MYO10: variants seen among roughly 807,000 people sequenced by gnomAD.
MYO10 encodes the protein unconventional myosin-X.
Under a neutral mutation model 257.3 loss-of-function variants are expected in MYO10, and 133 were observed. The ratio of observed to expected loss-of-function variants is 0.52; its 90% CI spans 0.45 to 0.60. The LOEUF (loss-of-function observed/expected upper bound fraction) is 0.60. Ranked by LOEUF, MYO10 falls within the 20% of genes least tolerant of loss-of-function variation. The pLI is 0.00. For synonymous variants in MYO10, 1,104 were observed against 1,028.6 expected, an observed-to-expected ratio of 1.07 and a Z score of -1.40; for missense variants, 2,399 against 2,635.7, an observed-to-expected ratio of 0.91 and a Z score of 1.97.
intron 2 of MYO10, among the ~76,000 whole-genome samples, chr5:16,852,672 C>T (rs913399531): frequency 1.4e-4 from 21 of 151,832 alleles, no homozygotes; most frequent in African/African-American, 5.1e-4. Context: ...CTGATCCATA[C>T]ATGAGAAGCC....
intron 1 of MYO10, among the ~76,000 whole-genome samples, chr5:16,929,241 C>T (rs1276272152): frequency 1.3e-5 from 2 of 152,188 alleles, no homozygotes; most frequent in African/African-American, 4.8e-5. Context: ...GCATGAGCCA[C>T]TGCACCCGGC....
At chr5:16,753,646 T>C (rs1740447518) in intron 19 of MYO10, among the ~76,000 whole-genome samples, 1 of 151,496 alleles carries the variant, frequency 6.6e-6, no homozygotes, top group South Asian at 2.1e-4. Flanking sequence ...AATTTCTGTA[T>C]TTTTAGTAGA....
rs912114189 is a variant in MYO10 at position 16,781,901 on chromosome 5, A to T, written c.603-72T>A. ...TGAAGACAGCAATAGCACTTCTCAC[A>T]AATGTCAAAATATACAACTGCAAGA... On this transcript the variant is annotated intron_variant, in intron 5 of 40. Coordinates refer to ENST00000513610, the MANE Select transcript of MYO10 (RefSeq NM_012334.3). 2.0e-6 allele frequency: 3 copies of T among 1,524,688 alleles called. No individual in the cohort carries two copies. In the African/African-American group the frequency reaches 4.2e-5, roughly 21 times the overall value. The allele number at this position is 1,524,688 out of a possible 1,614,324, so 94.4% of individuals were successfully genotyped here. A position where few individuals can be genotyped will look rare whatever the true frequency, so the allele number is the denominator to read the frequency against.
intron 1 of MYO10, among the ~76,000 whole-genome samples, chr5:16,913,552 A>T (rs1309332278): frequency 6.6e-6 from 1 of 152,174 alleles, no homozygotes; most frequent in Admixed American, 6.6e-5. Context: ...GCCACTGTGG[A>T]GGTGGCCAGT....
intron 3 of MYO10, chr5:16,815,595 C>A: frequency 1.6e-6 from 1 of 619,178 alleles, no homozygotes; most frequent in Non-Finnish European, 2.9e-6. Context: ...CTGGCAGTGT[C>A]CTTGGTTCCA....
At chr5:16,768,366 C>T (rs1241949496) in intron 10 of MYO10, among the ~76,000 whole-genome samples, 1 of 152,060 alleles carries the variant, frequency 6.6e-6, no homozygotes, top group Non-Finnish European at 1.5e-5. Flanking sequence ...CAGGGGAGGG[C>T]TATGAAGCCA....
Position 16,676,066 on chromosome 5 carries a change from A to G in MYO10, c.4631T>C (p.Leu1544Pro). The change falls in exon 34 of 41, where the codon CTC becomes CCC. Residue 1544 changes from leucine (L) to proline (P), a missense_variant. Around this residue, in one of 3 missense-constraint regions of MYO10, gnomAD observed 1,820 missense variants for 1,939.4 expected, o/e 0.94. Coordinates refer to ENST00000513610, the MANE Select transcript of MYO10 (RefSeq NM_012334.3). The part of the protein sequence containing the change: ...RYTHHPLHSP[L>P]LPLPYGDINL... ...TATGTCCCCATACGGAAGGGGCAGG[A>G]GCGGGGAGTGCAAGGGGTGATGGGT... 1 of 1,613,262 alleles carries G rather than the reference A, an allele frequency of 6.2e-7. No individual in the cohort carries two copies. The highest frequency in any genetic ancestry group is 8.5e-7 in the Non-Finnish European group (1 of 1,179,628).
At chr5:16,903,287 C>T (rs141903271) in intron 1 of MYO10, among the ~76,000 whole-genome samples, 4,093 of 152,300 alleles carry the variant, frequency 0.027, 86 homozygotes, top group South Asian at 0.045. Flanking sequence ...TGCCTGTAAT[C>T]CTAGCAACTC....
intron 5 of MYO10, among the ~76,000 whole-genome samples, chr5:16,782,814 C>A (rs1466038615): frequency 2.0e-5 from 3 of 152,118 alleles, no homozygotes. Flanking sequence ...TTTTGAGGCT[C>A]CCTGTTATAT....
Position 16,758,222 on chromosome 5 carries a change from C to A in MYO10, c.1744G>T (p.Asp582Tyr), listed in dbSNP as rs1195605040. 16 of 1,604,354 alleles carry A rather than the reference C, an allele frequency of 1.0e-5. No individual in the cohort carries two copies. The highest frequency in any genetic ancestry group is 2.2e-5 in the South Asian group (2 of 90,890). The change falls in exon 18 of 41, where the codon GAC (aspartate) becomes TAC (tyrosine). Residue 582 changes from aspartate (D) to tyrosine (Y), a missense_variant. Physicochemically the swap from Asp to Tyr is radical, Grantham distance 160 (BLOSUM62 -3). Around this residue, in one of 3 missense-constraint regions of MYO10, gnomAD observed 1,820 missense variants for 1,939.4 expected, o/e 0.94. Coordinates refer to ENST00000513610, the MANE Select transcript of MYO10 (RefSeq NM_012334.3). ...LLNLLRESRFDFIYDLFEHVS... is the reference protein window; with the variant it reads ...LLNLLRESRFYFIYDLFEHVS... ...TGTTCAAAAAGATCGTAGATAAAGT[C>A]AAATCTGTGTGAGGCAAGAGCAGGA...
intron 37 of MYO10, among the ~76,000 whole-genome samples, chr5:16,672,448 A>C (rs1736512368): frequency 6.6e-6 from 1 of 152,216 alleles, no homozygotes; most frequent in South Asian, 2.1e-4. Flanking sequence ...TCCAACATGG[A>C]ACTGAGAAAA....
chr5:16,819,336 T>G (rs955632935), intron 2 of MYO10, among the ~76,000 whole-genome samples: 5 of 152,214 alleles, frequency 3.3e-5, no homozygotes, highest in African/African-American at 4.8e-5. Context: ...ATTTCTAATG[T>G]CTACTCAGTG....
chr5:16,825,965 C>T (rs570820122), intron 2 of MYO10, among the ~76,000 whole-genome samples: 5 of 152,104 alleles, frequency 3.3e-5, no homozygotes, highest in East Asian at 1.9e-4. Context: ...CTGGTCAACA[C>T]GGTGAAACCC....
At chr5:16,785,608 G>A (rs1444262056) in intron 4 of MYO10, among the ~76,000 whole-genome samples, 2 of 152,230 alleles carry the variant, frequency 1.3e-5, no homozygotes, top group African/African-American at 2.4e-5. Context: ...TGTGGCTTGC[G>A]CCTGTAATCC....
At chr5:16,677,499 T>C (rs945159489) in intron 33 of MYO10, among the ~76,000 whole-genome samples, 7 of 148,514 alleles carry the variant, frequency 4.7e-5, no homozygotes, top group Non-Finnish European at 7.4e-5. Flanking sequence ...CAGTGCAAGC[T>C]CCGCCTCCCG....
chr5:16,935,914 A>G lies in MYO10; in HGVS notation c.-106T>C. 7.1e-7 allele frequency: 1 copy of G among 1,415,622 alleles called. No homozygotes were observed. The highest frequency in any genetic ancestry group is 9.7e-7 in the Non-Finnish European group (1 of 1,028,618). 87.7% of individuals were successfully genotyped at this position (1,415,622 alleles called of 1,614,324 possible). On this transcript the variant is annotated 5_prime_UTR_variant, in exon 1 of 41. Transcript: ENST00000513610. ...GCGTGTCACGGCGCCACTCCCGAGG[A>G]CGCGCGCCCGCGGGGCTCCCCTGCT...
At chr5:16,686,250 C>A (rs1560088) in intron 28 of MYO10, among the ~76,000 whole-genome samples, 44,827 of 151,854 alleles carry the variant, frequency 0.3, 6,753 homozygotes, top group South Asian at 0.38. Context: ...TGTTTTAAAA[C>A]ATAAATTTTA....
At chr5:16,741,634 A>C (rs762435189) in intron 19 of MYO10, among the ~76,000 whole-genome samples, 1 of 152,234 alleles carries the variant, frequency 6.6e-6, no homozygotes, top group Non-Finnish European at 1.5e-5. Context: ...TTTGTAGTTC[A>C]AACTTGTACA....
chr5:16,844,917 T>C (rs1370430530), intron 2 of MYO10, among the ~76,000 whole-genome samples: 1 of 150,730 alleles, frequency 6.6e-6, no homozygotes, highest in African/African-American at 2.5e-5. Flanking sequence ...AAGATTTTAT[T>C]CCAACAAAGT....
Sources: allele counts gnomAD v4.1 joint callset (sites outside exome capture counted in the v4.1 genomes callset), GRCh38; gene constraint gnomAD v4.1.1; regional missense constraint gnomAD v4.1.1; transcripts MANE v1.5; gene names NCBI Gene and HGNC (gene_info 2026-07-23, HGNC 2026-07-21).